MED19: variants seen among roughly 807,000 people sequenced by gnomAD.
The protein encoded by MED19 is mediator complex subunit 19.
Under a neutral mutation model 19.9 loss-of-function variants are expected in MED19, and 4 were observed. The ratio of observed to expected loss-of-function variants is 0.20; its 90% CI spans 0.10 to 0.46. The LOEUF is 0.46. Among genes scored for constraint, MED19 ranks in the 20% least tolerant of loss-of-function variants. The probability of loss-of-function intolerance (pLI) is 0.99; values close to 1 mark genes in which losing one functional copy is unlikely to be tolerated. For synonymous variants in MED19, 139 were observed against 119.6 expected, an observed-to-expected ratio of 1.16 and a Z score of -1.06; for missense variants, 303 against 318.7, an observed-to-expected ratio of 0.95 and a Z score of 0.38.
chr11:57,703,982 T>C, exon 5 of MED19: 4 of 1,530,610 alleles, frequency 2.6e-6, no homozygotes, highest in East Asian at 2.4e-5. Context: ...GCAGCTTTTA[T>C]CAGCAGGTTC....
chr11:57,709,113 G>C (rs1019648571), intron 1 of MED19, among the ~76,000 whole-genome samples: 52 of 152,346 alleles, frequency 3.4e-4, no homozygotes, highest in Middle Eastern at 6.8e-3. Flanking sequence ...TGGGCGCAGT[G>C]GCTCACGCCT....
chr11:57,704,899 G>A, intron 2 of MED19, 74 bp downstream of exon 2: 1 of 1,605,570 alleles, frequency 6.2e-7, no homozygotes, highest in Non-Finnish European at 8.5e-7. Context: ...CATTATGAAG[G>A]AACAGACTTG....
intron 1 of MED19, 132 bp downstream of exon 1, chr11:57,711,831 C>G: frequency 2.0e-6 from 2 of 1,005,304 alleles, no homozygotes; most frequent in Non-Finnish European, 2.7e-6. Flanking sequence ...ACAGCGCTTC[C>G]GACTTAGGGC....
At chr11:57,709,848 A>AC (rs1241384246) in intron 1 of MED19, among the ~76,000 whole-genome samples, 11 of 152,350 alleles carry the variant, frequency 7.2e-5, no homozygotes, top group African/African-American at 2.6e-4. Flanking sequence ...GGCGTGAGCC[A>AC]CAGCGCCTGG....
exon 5 of MED19, chr11:57,703,945 C>G: frequency 1.3e-6 from 2 of 1,501,104 alleles, no homozygotes; most frequent in Non-Finnish European, 8.8e-7. Context: ...CAGGATGCTC[C>G]CAAGGCAGTG....
intron 1 of MED19, among the ~76,000 whole-genome samples, chr11:57,709,280 C>G (rs993776818): frequency 6.8e-6 from 1 of 146,200 alleles, no homozygotes; most frequent in Non-Finnish European, 1.5e-5. Context: ...ACTCGGGAGG[C>G]TGAGGCAGGA....
chr11:57,708,286 C>T (rs972582774), intron 1 of MED19, among the ~76,000 whole-genome samples: 1 of 152,086 alleles, frequency 6.6e-6, no homozygotes, highest in Non-Finnish European at 1.5e-5. Flanking sequence ...TTTTTGCCCT[C>T]AGGAGAAAGC....
intron 3 of MED19, 66 bp downstream of exon 3, chr11:57,704,653 A>G: frequency 4.1e-6 from 6 of 1,466,236 alleles, no homozygotes. Flanking sequence ...AGTTCAAACC[A>G]GATTCAGAAG....
intron 1 of MED19, among the ~76,000 whole-genome samples, chr11:57,705,794 C>A (rs893671784): frequency 6.6e-6 from 1 of 152,196 alleles, no homozygotes; most frequent in African/African-American, 2.4e-5. Context: ...GAAGGAGACA[C>A]TCCACTCTCT....
chr11:57,705,664 A>C (rs1002081247), intron 1 of MED19, among the ~76,000 whole-genome samples: 17 of 152,078 alleles, frequency 1.1e-4, no homozygotes, highest in Non-Finnish European at 1.8e-4. Flanking sequence ...AAAAAAAAAA[A>C]AAAACAGCAA....
chr11:57,706,613 A>T (rs532852431), intron 1 of MED19, among the ~76,000 whole-genome samples: 6 of 151,750 alleles, frequency 4.0e-5, no homozygotes, highest in Non-Finnish European at 7.4e-5. Context: ...TCTACTAAAA[A>T]TACAAAAATT....
chr11:57,709,059 G>T (rs1946535533), intron 1 of MED19, among the ~76,000 whole-genome samples: 1 of 152,178 alleles, frequency 6.6e-6, no homozygotes, highest in Non-Finnish European at 1.5e-5. Flanking sequence ...CTCAAGTCAT[G>T]ATGTGGAAAT....
Position 57,703,727 on chromosome 11 carries a change from ATT to A in MED19, c.*309_*310del, listed in dbSNP as rs570253487. On this transcript the variant is annotated 3_prime_UTR_variant, in exon 5 of 5. Coordinates refer to ENST00000431606, the Ensembl canonical transcript of MED19. The stretch of plus-strand genomic sequence containing the variant: ...CACTTCAGCCAGTTTGATAAATGTA[ATT>A]TTTTTTTTTTTAAAGAAAACACAGA... 55 of 253,926 alleles carry A rather than the reference ATT, an allele frequency of 2.2e-4. 1 individual carries two copies. Among genetic ancestry groups the A allele is most frequent in the Middle Eastern group, 1.2e-3 (1 of 816 alleles). The allele number at this position is 253,926 out of a possible 1,614,324, so 15.7% of individuals were successfully genotyped here. A position where few individuals can be genotyped will look rare whatever the true frequency, so the allele number is the denominator to read the frequency against.
intron 1 of MED19, among the ~76,000 whole-genome samples, chr11:57,705,566 A>C (rs568906663): frequency 6.6e-6 from 1 of 151,846 alleles, no homozygotes; most frequent in Non-Finnish European, 1.5e-5. Flanking sequence ...GGGCAGGACA[A>C]TCACTTGAAC....
intron 1 of MED19, among the ~76,000 whole-genome samples, chr11:57,708,435 C>G (rs897755072): frequency 6.6e-6 from 1 of 152,166 alleles, no homozygotes; most frequent in East Asian, 1.9e-4. Context: ...AAAAACACCC[C>G]TCACATTATT....
intron 1 of MED19, among the ~76,000 whole-genome samples, chr11:57,706,100 T>C (rs1215393608): frequency 6.6e-6 from 1 of 152,158 alleles, no homozygotes; most frequent in East Asian, 1.9e-4. Flanking sequence ...CCAACATCTT[T>C]ATTCTTCCTC....
chr11:57,706,483 A>G (rs1160665437), intron 1 of MED19, among the ~76,000 whole-genome samples: 1 of 152,168 alleles, frequency 6.6e-6, no homozygotes, highest in Non-Finnish European at 1.5e-5. Flanking sequence ...AAGTCAGTCA[A>G]CTAATGGCCA....
At chr11:57,703,779 C>T (rs1410341490) in exon 5 of MED19, 3 of 435,056 alleles carry the variant, frequency 6.9e-6, no homozygotes, top group Non-Finnish European at 8.0e-6. Context: ...AGACAAATTG[C>T]ACAAAAGAGA....
In MED19 at chr11:57,704,700, G is replaced by GTTTTTA; in HGVS notation, c.571+18_571+19insTAAAAA. The GTTTTTA allele has an allele frequency of 6.6e-6, 4 of 602,396 alleles. No individual in the cohort carries two copies. Among genetic ancestry groups the GTTTTTA allele is most frequent in the Non-Finnish European group, 9.3e-6 (4 of 431,304 alleles). 37.3% of individuals were successfully genotyped at this position (602,396 alleles called of 1,614,324 possible). On this transcript the variant is annotated intron_variant, in intron 3 of 4. Transcript: ENST00000431606. ...TTTTTTTTTTTTTTTTTTTTGCTTT[G>GTTTTTA]AATAGAACTGCTTCTTACCTGGGGG... is the stretch of plus-strand genomic sequence containing the variant.
Sources: gnomAD v4.1 joint callset for allele counts (sites outside exome capture counted in the v4.1 genomes callset) on GRCh38, gnomAD v4.1.1 for gene constraint, MANE v1.5 for transcripts, NCBI Gene and HGNC (gene_info 2026-07-23, HGNC 2026-07-21) for gene names.